ZNF655: variants seen among roughly 807,000 people sequenced by gnomAD.
ZNF655 encodes the protein Vav-interacting Kruppel-like protein 1.
Under a neutral mutation model 6.6 loss-of-function variants are expected in ZNF655, and 3 were observed. The observed-to-expected ratio is 0.46, with a 90% confidence interval of 0.21 to 1.18. The LOEUF (loss-of-function observed/expected upper bound fraction) is 1.18. ZNF655 is among the 50% of genes most tolerant of loss of function. The pLI, the probability that ZNF655 is intolerant of heterozygous loss-of-function variation, is 0.24. For missense variants in ZNF655, 526 were observed against 572.3 expected (o/e 0.92, Z 0.83); for synonymous variants, 178 against 195.0 (o/e 0.91, Z 0.73).
At position 99,574,364 on chromosome 7, in the gene ZNF655, T is replaced by C. The variant is rs565339852; in HGVS notation, c.*780T>C. 3 of 152,332 alleles carry C rather than the reference T, an allele frequency of 2.0e-5. No homozygotes were observed. Among genetic ancestry groups the C allele is most frequent in the African/African-American group, 7.2e-5 (3 of 41,588 alleles). The allele number at this position is 152,332 out of a possible 1,614,324, so 9.4% of individuals were successfully genotyped here. Reference sequence around the variant, plus strand: ...TCTCATGGAGTTCCTTTATTTAATATGTATTCTAAGTAGGTACGTTTATTT... The same window carrying C: ...TCTCATGGAGTTCCTTTATTTAATACGTATTCTAAGTAGGTACGTTTATTT... On this transcript the variant is annotated 3_prime_UTR_variant, in exon 3 of 3. Transcript: ENST00000252713.
intron 2 of ZNF655, chr7:99,562,135 A>G (rs1380295869): frequency 7.9e-6 from 6 of 757,884 alleles, no homozygotes; most frequent in African/African-American, 1.8e-5. Context: ...ACATAAACCA[A>G]CTTCCCATCT....
chr7:99,573,658 A>G lies in ZNF655; in HGVS notation c.*74A>G. 1 of 1,517,162 alleles carries G rather than the reference A, an allele frequency of 6.6e-7. No individual in the cohort carries two copies. The highest frequency in any genetic ancestry group is 8.8e-7 in the Non-Finnish European group (1 of 1,130,864). The allele number at this position is 1,517,162 out of a possible 1,614,324, so 94.0% of individuals were successfully genotyped here. ...ATCTGAGAGTTCACACCAGGGAGAA[A>G]TCATGTATGTACTGCATGTGGTAAA... On this transcript the variant is annotated 3_prime_UTR_variant, in exon 3 of 3. Transcript: ENST00000252713.
intron 2 of ZNF655, among the ~76,000 whole-genome samples, chr7:99,569,450 G>A (rs1343994772): frequency 4.2e-4 from 64 of 152,086 alleles, no homozygotes; most frequent in Non-Finnish European, 4.4e-5. Flanking sequence ...GGGCTTGTTA[G>A]GAGGCAAAAT....
intron 2 of ZNF655, among the ~76,000 whole-genome samples, chr7:99,561,553 C>T (rs1394443094): frequency 6.6e-6 from 1 of 152,168 alleles, no homozygotes; most frequent in Non-Finnish European, 1.5e-5. Context: ...AACCCTAGCC[C>T]AGGACAAGTC....
intron 2 of ZNF655, 126 bp downstream of exon 2, chr7:99,560,821 T>A (rs1803084875): frequency 8.2e-7 from 1 of 1,224,210 alleles, no homozygotes; most frequent in Admixed American, 2.4e-5. Context: ...GAGGGAGGAA[T>A]GAAAGAGGGG....
At chr7:99,564,177 G>C (rs1803453029) in intron 2 of ZNF655, 3 of 1,423,470 alleles carry the variant, frequency 2.1e-6, no homozygotes, top group Non-Finnish European at 1.8e-6. Flanking sequence ...GAAGCCCTCT[G>C]TTGCAACCAG....
At chr7:99,568,037 C>T (rs1376706503) in intron 2 of ZNF655, among the ~76,000 whole-genome samples, 4 of 136,598 alleles carry the variant, frequency 2.9e-5, no homozygotes, top group South Asian at 2.3e-4. Context: ...CCAGCCTGGG[C>T]GACAGAGCGA....
Position 99,574,238 on chromosome 7 carries a change from G to C in ZNF655, c.*654G>C, listed in dbSNP as rs377631159. The stretch of plus-strand genomic sequence containing the variant: ...TTACCCAACATCGAAATAATGGAGA[G>C]AAAATTGTTGATTATTTGTTTATGA... On this transcript the variant is annotated 3_prime_UTR_variant, in exon 3 of 3. Coordinates refer to ENST00000252713, the MANE Select transcript of ZNF655 (RefSeq NM_138494.3). The C allele has an allele frequency of 4.6e-5, 7 of 152,330 alleles. No individual in the cohort carries two copies. The highest frequency in any genetic ancestry group is 1.7e-4 in the African/African-American group (7 of 41,564). The allele number at this position is 152,330 out of a possible 1,614,324, so 9.4% of individuals were successfully genotyped here. A position where few individuals can be genotyped will look rare whatever the true frequency, so the allele number is the denominator to read the frequency against.
intron 2 of ZNF655, chr7:99,563,786 T>G: frequency 6.5e-7 from 1 of 1,543,600 alleles, no homozygotes. Flanking sequence ...CAAGGTCTTC[T>G]TATTTGTGGG....
intron 2 of ZNF655, among the ~76,000 whole-genome samples, chr7:99,569,035 A>C (rs964653453): frequency 2.0e-5 from 3 of 150,036 alleles, no homozygotes; most frequent in Admixed American, 6.6e-5. Context: ...TCTGTCCGTC[A>C]TGGCCTCCCA....
At chr7:99,562,123 TC>T in intron 2 of ZNF655, 1 of 797,366 alleles carries the variant, frequency 1.3e-6, no homozygotes, top group South Asian at 2.2e-5. Context: ...GACCTGGACT[TC>T]ACATAAACCA....
At chr7:99,571,434 A>G in intron 2 of ZNF655, 2 of 1,239,900 alleles carry the variant, frequency 1.6e-6, no homozygotes, top group South Asian at 3.1e-5. Context: ...CCATGCACAC[A>G]TTCTGTTGTC....
At chr7:99,567,972 T>C (rs1235054957) in intron 2 of ZNF655, among the ~76,000 whole-genome samples, 1 of 149,060 alleles carries the variant, frequency 6.7e-6, no homozygotes, top group Admixed American at 6.8e-5. Flanking sequence ...GGCTGGAGAA[T>C]CGCTTGAACC....
intron 2 of ZNF655, chr7:99,571,568 C>G: frequency 3.0e-6 from 3 of 995,814 alleles, no homozygotes; most frequent in South Asian, 1.7e-5. Context: ...CCAGACCTTC[C>G]TAATTAATGT....
chr7:99,571,549 C>A, intron 2 of ZNF655: 1 of 992,012 alleles, frequency 1.0e-6, no homozygotes. Context: ...TCTTTGCCCT[C>A]TTCACTCTCC....
intron 2 of ZNF655, among the ~76,000 whole-genome samples, chr7:99,567,012 C>T (rs1194344232): frequency 6.6e-6 from 1 of 152,098 alleles, no homozygotes; most frequent in Non-Finnish European, 1.5e-5. Flanking sequence ...CTCCGCCTCT[C>T]AGGCCCAAGC....
At chr7:99,566,856 C>T (rs994063515) in intron 2 of ZNF655, among the ~76,000 whole-genome samples, 1 of 152,188 alleles carries the variant, frequency 6.6e-6, no homozygotes, top group Admixed American at 6.5e-5. Flanking sequence ...CCATGCTCAG[C>T]TTTAACTGTT....
chr7:99,559,495 C>T (rs976160114), intron 1 of ZNF655, among the ~76,000 whole-genome samples: 2 of 151,790 alleles, frequency 1.3e-5, no homozygotes, highest in Non-Finnish European at 2.9e-5. Context: ...GCCAGGCGTT[C>T]GAGTCCAGCC....
intron 2 of ZNF655, among the ~76,000 whole-genome samples, chr7:99,567,788 G>A (rs982227627): frequency 2.0e-5 from 3 of 151,886 alleles, no homozygotes; most frequent in Non-Finnish European, 4.4e-5. Context: ...TGTGTCGGGT[G>A]CGGTGGCTCA....
Sources: allele counts gnomAD v4.1 joint callset (sites outside exome capture counted in the v4.1 genomes callset), GRCh38; gene constraint gnomAD v4.1.1; transcripts MANE v1.5; gene names NCBI Gene and HGNC (gene_info 2026-07-23, HGNC 2026-07-21).